Variants in ERBB4 observed in about 807,000 individuals in gnomAD.
ERBB4 encodes the protein receptor tyrosine-protein kinase erbB-4.
Under a neutral mutation model 158.0 loss-of-function variants are expected in ERBB4, and 42 were observed. The ratio of observed to expected loss-of-function variants is 0.27; its 90% CI spans 0.21 to 0.34. The LOEUF (loss-of-function observed/expected upper bound fraction) is 0.34, where lower values mean the gene tolerates loss of function less well. Ranked by LOEUF, ERBB4 falls within the 10% of genes least tolerant of loss-of-function variation. The probability of loss-of-function intolerance (pLI) is 1.00; values close to 1 mark genes in which losing one functional copy is unlikely to be tolerated. For missense variants in ERBB4, 1,333 were observed against 1,624.1 expected, an observed-to-expected ratio of 0.82 and a Z score of 3.08; for synonymous variants, 583 against 558.7, an observed-to-expected ratio of 1.04 and a Z score of -0.61.
chr2:212,028,239 T>G (rs537995514), intron 2 of ERBB4, among the ~76,000 whole-genome samples: 1 of 152,138 alleles, frequency 6.6e-6, no homozygotes, highest in African/African-American at 2.4e-5. Context: ...TCCTATGAAT[T>G]CTTCAATTTC....
intron 2 of ERBB4, among the ~76,000 whole-genome samples, chr2:212,103,191 C>T (rs2079131865): frequency 6.6e-6 from 1 of 152,090 alleles, no homozygotes; most frequent in Non-Finnish European, 1.5e-5. Flanking sequence ...CAAAGAGTTA[C>T]ACATTCTGCT....
intron 19 of ERBB4, among the ~76,000 whole-genome samples, chr2:211,573,315 T>C (rs1001515183): frequency 6.6e-6 from 1 of 152,168 alleles, no homozygotes; most frequent in African/African-American, 2.4e-5. Flanking sequence ...TTCAAATGTC[T>C]AGCCCCCAGA....
chr2:211,421,840 G>A (rs1333356715), intron 24 of ERBB4, among the ~76,000 whole-genome samples, 167 bp downstream of exon 24: 1 of 151,950 alleles, frequency 6.6e-6, no homozygotes, highest in African/African-American at 2.4e-5. Context: ...AGGTGGATCT[G>A]ACGTGAAATA....
At chr2:212,004,287 C>T (rs188227819) in intron 2 of ERBB4, among the ~76,000 whole-genome samples, 23 of 152,278 alleles carry the variant, frequency 1.5e-4, no homozygotes, top group Middle Eastern at 3.4e-3. Flanking sequence ...CTCCCTCATC[C>T]TGCAAACTTG....
chr2:211,494,927 G>A (rs2065433046), intron 20 of ERBB4, among the ~76,000 whole-genome samples: 1 of 152,022 alleles, frequency 6.6e-6, no homozygotes, highest in Non-Finnish European at 1.5e-5. Context: ...TTCAAAATAG[G>A]AGAAAAACAT....
chr2:211,657,149 T>C (rs1453412693), intron 16 of ERBB4, among the ~76,000 whole-genome samples: 1 of 152,112 alleles, frequency 6.6e-6, no homozygotes, highest in Non-Finnish European at 1.5e-5. Context: ...TCTATTGAAT[T>C]AAGAGCAAAA....
At chr2:211,665,817 C>T (rs1397571998) in intron 14 of ERBB4, among the ~76,000 whole-genome samples, 1 of 152,174 alleles carries the variant, frequency 6.6e-6, no homozygotes, top group African/African-American at 2.4e-5. Flanking sequence ...GCAAAACTGT[C>T]CAATGACTTT....
intron 1 of ERBB4, among the ~76,000 whole-genome samples, chr2:212,213,515 TA>T: frequency 6.6e-6 from 1 of 152,002 alleles, no homozygotes; most frequent in East Asian, 1.9e-4. Context: ...AGCTAAAAGA[TA>T]TTGGAAGGAA....
intron 2 of ERBB4, among the ~76,000 whole-genome samples, chr2:212,023,338 T>C (rs949125636): frequency 2.0e-5 from 3 of 152,098 alleles, no homozygotes; most frequent in Admixed American, 2.0e-4. Context: ...TGATCTGTCA[T>C]CTTCTGAACT....
At chr2:211,828,080 T>C (rs1002458245) in intron 3 of ERBB4, among the ~76,000 whole-genome samples, 2 of 152,116 alleles carry the variant, frequency 1.3e-5, no homozygotes, top group African/African-American at 2.4e-5. Context: ...GGATAATATA[T>C]GAGTTTAAGA....
In ERBB4 at chr2:212,228,635, G is replaced by A. The variant is rs563221795; in HGVS notation, c.83-103732C>T. Among the ~76,000 whole-genome samples, 3 of 152,200 alleles carry A rather than the reference G, an allele frequency of 2.0e-5. 1 individual carries two copies. The South Asian group carries it at 6.2e-4, about 32-fold the overall frequency. On this transcript the variant is annotated intron_variant, in intron 1 of 27. Transcript: ENST00000342788. ...ATCCTGCAGAGCCTACCATGTATGT[G>A]AGATGGCAGATAAAAAAAATATATA... is the stretch of plus-strand genomic sequence containing the variant.
chr2:211,790,158 C>T (rs1029555395), intron 3 of ERBB4, among the ~76,000 whole-genome samples: 12 of 151,942 alleles, frequency 7.9e-5, no homozygotes, highest in South Asian at 4.1e-4. Flanking sequence ...TTTTTATCTA[C>T]GAAATGTGAT....
At chr2:212,533,958 G>C (rs1692894432) in intron 1 of ERBB4, among the ~76,000 whole-genome samples, 1 of 152,182 alleles carries the variant, frequency 6.6e-6, no homozygotes, top group East Asian at 1.9e-4. Context: ...CAACAAAGCA[G>C]TATCTCTCAA....
At chr2:211,666,574 C>T (rs555888347) in intron 14 of ERBB4, among the ~76,000 whole-genome samples, 26 of 152,262 alleles carry the variant, frequency 1.7e-4, no homozygotes, top group African/African-American at 6.0e-4. Flanking sequence ...GGTATATCGT[C>T]AGAGCAAAGA....
At chr2:211,687,983 A>G (rs2072636282) in intron 12 of ERBB4, among the ~76,000 whole-genome samples, 1 of 152,136 alleles carries the variant, frequency 6.6e-6, no homozygotes, top group Non-Finnish European at 1.5e-5. Flanking sequence ...CTACCACTTC[A>G]CATCTATTCT....
At chr2:212,050,874 T>C (rs1013061351) in intron 2 of ERBB4, among the ~76,000 whole-genome samples, 2 of 152,176 alleles carry the variant, frequency 1.3e-5, no homozygotes, top group Non-Finnish European at 2.9e-5. Context: ...TAATCACTAC[T>C]ACCAATACCA....
At chr2:212,304,342 A>C (rs996008181) in intron 1 of ERBB4, among the ~76,000 whole-genome samples, 2 of 151,552 alleles carry the variant, frequency 1.3e-5, no homozygotes, top group African/African-American at 4.8e-5. Flanking sequence ...ATTCTAATAA[A>C]CTAGTAACAA....
chr2:212,510,078 A>T (rs1421254541), intron 1 of ERBB4, among the ~76,000 whole-genome samples: 1 of 150,806 alleles, frequency 6.6e-6, no homozygotes, highest in Admixed American at 6.6e-5. Flanking sequence ...ACACTAACAT[A>T]AATAGTTACA....
At chr2:212,321,559 C>A (rs572042300) in intron 1 of ERBB4, among the ~76,000 whole-genome samples, 1 of 150,496 alleles carries the variant, frequency 6.6e-6, no homozygotes, top group African/African-American at 2.4e-5. Context: ...ATTAGCTGGG[C>A]ATTGTGGCAC....
Sources: allele counts gnomAD v4.1 joint callset (sites outside exome capture counted in the v4.1 genomes callset), GRCh38; gene constraint gnomAD v4.1.1; transcripts MANE v1.5; gene names NCBI Gene and HGNC (gene_info 2026-07-23, HGNC 2026-07-21).